Variants in MTMR3 observed in about 807,000 individuals in gnomAD.
MTMR3 encodes myotubularin related protein 3.
In MTMR3, 32 loss-of-function variants were observed where a neutral mutation model predicts 132.4. The observed-to-expected ratio is 0.24, with a 90% CI of 0.18 to 0.32. The LOEUF is 0.32. MTMR3 is among the 10% of genes least tolerant of loss of function. The pLI, the probability that MTMR3 is intolerant of heterozygous loss-of-function variation, is 1.00. For missense variants in MTMR3, 1,216 were observed against 1,489.6 expected, an observed-to-expected ratio of 0.82 and a Z score of 3.02; for synonymous variants, 556 against 550.3, an observed-to-expected ratio of 1.01 and a Z score of -0.14.
chr22:29,967,922 T>A (rs2066460520), intron 2 of MTMR3, among the ~76,000 whole-genome samples: 1 of 127,074 alleles, frequency 7.9e-6, no homozygotes. Flanking sequence ...ATATACTGTG[T>A]GTGTGTGTGT....
In MTMR3 at chr22:29,898,912, C is replaced by CTTTTT. The variant is rs199656050; in HGVS notation, c.-138+15564_-138+15568dup. Among the ~76,000 whole-genome samples the CTTTTT allele has an allele frequency of 3.5e-5, 5 of 143,026 alleles. 1 individual carries two copies. Among genetic ancestry groups the CTTTTT allele is most frequent in the Non-Finnish European group, 4.5e-5 (3 of 66,088 alleles). The allele number at this position is 143,026 out of a possible 152,430, so 93.8% of individuals were successfully genotyped here. A position where few individuals can be genotyped will look rare whatever the true frequency, so the allele number is the denominator to read the frequency against. On this transcript the variant is annotated intron_variant, in intron 1 of 19. Coordinates refer to ENST00000401950, the MANE Select transcript of MTMR3 (RefSeq NM_021090.4). The stretch of plus-strand genomic sequence containing the variant: ...GAAAATTTACAAAAATTTCTCACAT[C>CTTTTT]TTTTTTTTTTTTTTTAATGAAAGTA...
intron 1 of MTMR3, among the ~76,000 whole-genome samples, chr22:29,954,444 G>A (rs1283024065): frequency 6.6e-6 from 1 of 151,858 alleles, no homozygotes; most frequent in African/African-American, 2.4e-5. Flanking sequence ...TTTTTAATTT[G>A]CTCGCAATGT....
intron 1 of MTMR3, among the ~76,000 whole-genome samples, chr22:29,884,211 T>TA (rs1356021367): frequency 3.3e-5 from 5 of 152,160 alleles, no homozygotes; most frequent in African/African-American, 1.2e-4. Flanking sequence ...CCTAAATTCT[T>TA]ACTGTTGTAG....
intron 1 of MTMR3, among the ~76,000 whole-genome samples, chr22:29,924,369 C>G (rs1216378843): frequency 6.6e-6 from 1 of 152,082 alleles, no homozygotes; most frequent in Non-Finnish European, 1.5e-5. Flanking sequence ...ATCATTTGAC[C>G]ATATATGTAA....
At chr22:30,013,765 GT>G (rs201357681) in intron 14 of MTMR3, 37 of 392,854 alleles carry the variant, frequency 9.4e-5, no homozygotes, top group East Asian at 1.7e-4. Flanking sequence ...TTTAAACTTA[GT>G]TTTTTTTTAA....
At chr22:29,991,240 A>G in intron 6 of MTMR3, 1 of 249,024 alleles carries the variant, frequency 4.0e-6, no homozygotes, top group Non-Finnish European at 7.6e-6. Context: ...AATAATTGTC[A>G]TTAATCTTAG....
At chr22:29,930,022 A>G (rs1391125312) in intron 1 of MTMR3, among the ~76,000 whole-genome samples, 1 of 152,094 alleles carries the variant, frequency 6.6e-6, no homozygotes, top group African/African-American at 2.4e-5. Context: ...TAGTCTTTGA[A>G]TTTTTGTCTT....
At chr22:29,919,613 C>T (rs992401637) in intron 1 of MTMR3, among the ~76,000 whole-genome samples, 1 of 152,056 alleles carries the variant, frequency 6.6e-6, no homozygotes, top group Non-Finnish European at 1.5e-5. Context: ...GCCTCAGCCT[C>T]CTGGGCTCAA....
chr22:29,894,560 A>G (rs1036382427), intron 1 of MTMR3, among the ~76,000 whole-genome samples: 2 of 151,556 alleles, frequency 1.3e-5, no homozygotes, highest in Non-Finnish European at 2.9e-5. Context: ...TAAATATCAA[A>G]TGGAGTTGTG....
At chr22:29,980,004 T>A (rs1234422824) in intron 5 of MTMR3, 1 of 152,246 alleles carries the variant, frequency 6.6e-6, no homozygotes, top group Admixed American at 6.5e-5. Context: ...TGAAAATTCA[T>A]GTACTTACAG....
chr22:29,894,905 C>A (rs1186193218), intron 1 of MTMR3, among the ~76,000 whole-genome samples: 1 of 152,120 alleles, frequency 6.6e-6, no homozygotes, highest in African/African-American at 2.4e-5. Flanking sequence ...TCGGCCCTTA[C>A]TTTATTCTTT....
At chr22:29,991,867 G>C (rs5763677) in intron 7 of MTMR3, 197 bp downstream of exon 7, 1 of 487,466 alleles carries the variant, frequency 2.1e-6, no homozygotes, top group Non-Finnish European at 3.4e-6. Context: ...AAGAACACTA[G>C]AAGGCATCAC....
chr22:30,020,239 C>G lies in MTMR3; in HGVS notation c.2580C>G (p.Pro860=), dbSNP rs752187676. ...ATAAGGTGAAGTCAGTAAGTGGGCC[C>G]CAAGGTCATCATAGATCTTGCCTTG... ...VEDKVKSVSG[P]QGHHRSCLVN... Residue 860 remains proline, a synonymous_variant, in exon 17 of 20, where the codon CCC becomes CCG. Transcript: ENST00000401950. 1 of 1,614,150 alleles carries G rather than the reference C, an allele frequency of 6.2e-7. No individual in the cohort carries two copies. Among genetic ancestry groups the G allele is most frequent in the South Asian group, 1.1e-5 (1 of 91,076 alleles).
At chr22:29,998,910 AC>A (rs2067114495) in intron 8 of MTMR3, 53 bp downstream of exon 8, 1 of 1,206,632 alleles carries the variant, frequency 8.3e-7, no homozygotes, top group African/African-American at 1.6e-5. Context: ...CTTTGCAGAA[AC>A]CGCAATTCTC....
Position 30,008,058 on chromosome 22 carries a change from C to T in MTMR3, c.1009+26C>T, listed in dbSNP as rs1251784202. 1.9e-6 allele frequency: 3 copies of T among 1,608,168 alleles called. No homozygotes were observed. In the South Asian group the frequency reaches 3.3e-5, roughly 18 times the overall value. Reference sequence around the variant, plus strand: ...GTGAGGTGTATGGTGCTTTGTTCCCCATACTTTCTCCTTGTGAGTGTAGCC... The same window carrying T: ...GTGAGGTGTATGGTGCTTTGTTCCCTATACTTTCTCCTTGTGAGTGTAGCC... On this transcript the variant is annotated intron_variant, in intron 11 of 19. Coordinates refer to ENST00000401950, the MANE Select transcript of MTMR3 (RefSeq NM_021090.4).
Position 29,970,956 on chromosome 22 carries a change from C to G in MTMR3, c.-84-20C>G. On this transcript the variant is annotated intron_variant, in intron 2 of 19. Coordinates refer to ENST00000401950, the MANE Select transcript of MTMR3 (RefSeq NM_021090.4). Reference sequence around the variant, plus strand: ...TCCTCTTTTTTTTTTCTTCTTCCCCCTCTTCCCCCCCACCCCCAGACTTCA... The same window carrying G: ...TCCTCTTTTTTTTTTCTTCTTCCCCGTCTTCCCCCCCACCCCCAGACTTCA... The G allele has an allele frequency of 1.2e-6, 1 of 807,608 alleles. No homozygotes were observed. Among genetic ancestry groups the G allele is most frequent in the Non-Finnish European group, 1.8e-6 (1 of 546,286 alleles). The allele number at this position is 807,608 out of a possible 1,614,324, so 50.0% of individuals were successfully genotyped here. A position where few individuals can be genotyped will look rare whatever the true frequency, so the allele number is the denominator to read the frequency against.
chr22:29,915,123 T>C (rs2065283960), intron 1 of MTMR3, among the ~76,000 whole-genome samples: 1 of 152,198 alleles, frequency 6.6e-6, no homozygotes, highest in African/African-American at 2.4e-5. Context: ...GTTCTACCAG[T>C]TCTGTCTCAT....
intron 1 of MTMR3, among the ~76,000 whole-genome samples, chr22:29,951,261 G>A (rs1905606433): frequency 6.6e-6 from 1 of 152,120 alleles, no homozygotes; most frequent in Non-Finnish European, 1.5e-5. Flanking sequence ...ACCGTTTTTA[G>A]CAGATTGTAT....
chr22:29,955,949 G>A (rs760028469), intron 1 of MTMR3, among the ~76,000 whole-genome samples: 5 of 151,936 alleles, frequency 3.3e-5, no homozygotes, highest in Admixed American at 1.3e-4. Context: ...CTGGGGTTTC[G>A]CTGTGTTGGC....
Sources: allele counts gnomAD v4.1 joint callset (sites outside exome capture counted in the v4.1 genomes callset), GRCh38; gene constraint gnomAD v4.1.1; transcripts MANE v1.5; gene names NCBI Gene and HGNC (gene_info 2026-07-23, HGNC 2026-07-21).